The following DLG2 variants were observed in gnomAD, a reference collection of about 807,000 sequenced individuals.
The protein encoded by DLG2 is discs large MAGUK scaffold protein 2.
In DLG2, 45 loss-of-function variants were observed where a neutral mutation model predicts 132.5. The observed-to-expected ratio is 0.34, with a 90% confidence interval of 0.27 to 0.44. The LOEUF (loss-of-function observed/expected upper bound fraction) is 0.44. DLG2 is among the 20% of genes least tolerant of loss of function. DLG2 has a pLI of 1.00. For synonymous variants in DLG2, 424 were observed against 419.6 expected, an observed-to-expected ratio of 1.01 and a Z score of -0.13; for missense variants, 1,045 against 1,196.9, an observed-to-expected ratio of 0.87 and a Z score of 1.87.
chr11:84,912,615 C>T (rs2092176010), intron 6 of DLG2, among the ~76,000 whole-genome samples: 1 of 152,228 alleles, frequency 6.6e-6, no homozygotes, highest in Non-Finnish European at 1.5e-5. Flanking sequence ...GATTTCCTCA[C>T]CTAGAAGCAT....
At chr11:85,335,053 A>C (rs1278458724) in intron 3 of DLG2, among the ~76,000 whole-genome samples, 1 of 152,130 alleles carries the variant, frequency 6.6e-6, no homozygotes, top group Non-Finnish European at 1.5e-5. Flanking sequence ...GTAGTTATCT[A>C]AGTCTCTTTG....
chr11:84,588,532 G>A (rs539575402), intron 6 of DLG2, among the ~76,000 whole-genome samples: 21 of 152,064 alleles, frequency 1.4e-4, no homozygotes, highest in East Asian at 1.9e-4. Flanking sequence ...CTAAGTTTAC[G>A]GACTCTGAAG....
At chr11:84,086,837 C>T (rs1315213322) in intron 10 of DLG2, among the ~76,000 whole-genome samples, 2 of 152,084 alleles carry the variant, frequency 1.3e-5, no homozygotes, top group African/African-American at 4.8e-5. Context: ...CTATTACTAG[C>T]CCCTGGCAAC....
intron 3 of DLG2, among the ~76,000 whole-genome samples, chr11:85,312,742 G>A (rs947366473): frequency 1.3e-5 from 2 of 151,898 alleles, no homozygotes; most frequent in Non-Finnish European, 2.9e-5. Context: ...AATCACTCAA[G>A]ATCTTGTGAA....
intron 9 of DLG2, among the ~76,000 whole-genome samples, chr11:84,106,037 G>A (rs1595380305): frequency 6.6e-6 from 1 of 152,100 alleles, no homozygotes; most frequent in Non-Finnish European, 1.5e-5. Flanking sequence ...GCTACCACTT[G>A]AACATTGGCC....
chr11:84,631,459 A>G (rs923578263), intron 6 of DLG2, among the ~76,000 whole-genome samples: 1 of 152,128 alleles, frequency 6.6e-6, no homozygotes, highest in Non-Finnish European at 1.5e-5. Flanking sequence ...TCATCTTAAA[A>G]CACACAATAG....
intron 7 of DLG2, among the ~76,000 whole-genome samples, chr11:84,388,760 T>G (rs970070242): frequency 6.6e-6 from 1 of 151,892 alleles, no homozygotes; most frequent in African/African-American, 2.4e-5. Context: ...TGTCAGGAAT[T>G]GGAAGTAGAA....
intron 7 of DLG2, among the ~76,000 whole-genome samples, chr11:84,513,644 A>C (rs566186233): frequency 6.6e-6 from 1 of 152,120 alleles, no homozygotes. Flanking sequence ...CAGAAGAATG[A>C]AACTTGACCC....
At chr11:84,832,067 T>C (rs920329246) in intron 6 of DLG2, among the ~76,000 whole-genome samples, 5 of 151,820 alleles carry the variant, frequency 3.3e-5, no homozygotes, top group Non-Finnish European at 7.4e-5. Context: ...ACACATGATA[T>C]ATATTTGCCA....
intron 19 of DLG2, among the ~76,000 whole-genome samples, chr11:83,574,979 T>G (rs1382000373): frequency 6.6e-6 from 1 of 152,172 alleles, no homozygotes; most frequent in African/African-American, 2.4e-5. Flanking sequence ...GAAGTACAAT[T>G]TCTAACTCAT....
At chr11:84,662,949 T>C (rs993670803) in intron 6 of DLG2, among the ~76,000 whole-genome samples, 10 of 152,092 alleles carry the variant, frequency 6.6e-5, no homozygotes, top group African/African-American at 2.4e-4. Flanking sequence ...TACTCAGTTA[T>C]AATTAAGCCC....
At chr11:85,519,459 G>A (rs2074101167) in intron 3 of DLG2, among the ~76,000 whole-genome samples, 1 of 152,132 alleles carries the variant, frequency 6.6e-6, no homozygotes, top group African/African-American at 2.4e-5. Context: ...TCTTTGTTTT[G>A]GCCAATGTCT....
chr11:83,654,380 G>A (rs766542646), intron 18 of DLG2, among the ~76,000 whole-genome samples: 42 of 152,180 alleles, frequency 2.8e-4, no homozygotes, highest in Non-Finnish European at 4.4e-4. Context: ...AGTGTACCAA[G>A]TGTTTTCAGA....
intron 5 of DLG2, among the ~76,000 whole-genome samples, chr11:85,145,876 G>A (rs2076804988): frequency 6.6e-6 from 1 of 152,050 alleles, no homozygotes; most frequent in South Asian, 2.1e-4. Flanking sequence ...TTTCCTGGAT[G>A]TTCTTGATGC....
chr11:84,597,094 C>T (rs187104045), intron 6 of DLG2, among the ~76,000 whole-genome samples: 17 of 152,190 alleles, frequency 1.1e-4, no homozygotes, highest in South Asian at 8.3e-4. Context: ...GTTTCTCATG[C>T]CTGTAATCCT....
chr11:84,547,943 T>C lies in DLG2; in HGVS notation c.358-13212A>G, dbSNP rs1219059720. On this transcript the variant is annotated intron_variant, in intron 6 of 27. Transcript: ENST00000376104. ...AGTGCATAGTCAAGAAGCCTGTCAC[T>C]ATTCTACAGTAGAGCTGGTTATTGA... 3.3e-5 allele frequency among the ~76,000 whole-genome samples: 5 copies of C among 152,330 alleles called. No individual in the cohort carries two copies. In the East Asian group the frequency reaches 9.6e-4, roughly 29 times the overall value.
intron 6 of DLG2, among the ~76,000 whole-genome samples, chr11:84,540,009 A>T (rs2099364287): frequency 1.3e-5 from 2 of 152,116 alleles, no homozygotes; most frequent in South Asian, 4.1e-4. Flanking sequence ...TGAAACGGGA[A>T]TCCTTCCTTA....
intron 6 of DLG2, among the ~76,000 whole-genome samples, chr11:84,796,030 G>T (rs1182661017): frequency 6.6e-6 from 1 of 152,198 alleles, no homozygotes; most frequent in African/African-American, 2.4e-5. Context: ...AGTGCAGCCT[G>T]CCAGGCCAGA....
intron 7 of DLG2, among the ~76,000 whole-genome samples, chr11:84,295,123 A>C (rs935147635): frequency 2.6e-5 from 4 of 152,206 alleles, no homozygotes; most frequent in African/African-American, 4.8e-5. Context: ...TTAGTATGAA[A>C]GCAGTGACTC....
Sources: gnomAD v4.1 joint callset for allele counts (sites outside exome capture counted in the v4.1 genomes callset) on GRCh38, gnomAD v4.1.1 for gene constraint, MANE v1.5 for transcripts, NCBI Gene and HGNC (gene_info 2026-07-23, HGNC 2026-07-21) for gene names.